Variants in FBXL18 observed in about 807,000 individuals in gnomAD.
FBXL18 encodes the protein F-box/LRR-repeat protein 18.
A neutral mutation model predicts 46.0 loss-of-function variants in FBXL18; 36 were observed. That is an observed-to-expected ratio of 0.78 (90% confidence interval 0.60 to 1.03). The LOEUF (loss-of-function observed/expected upper bound fraction) is 1.03. FBXL18 is among the 50% of genes least tolerant of loss of function. The probability of loss-of-function intolerance (pLI) is 0.00; values close to 1 mark genes in which losing one functional copy is unlikely to be tolerated. For missense variants in FBXL18, 977 were observed against 1,004.1 expected, an observed-to-expected ratio of 0.97 and a Z score of 0.36; for synonymous variants, 557 against 465.3, an observed-to-expected ratio of 1.20 and a Z score of -2.54.
chr7:5,492,875 G>T (rs1783967208), intron 3 of FBXL18, among the ~76,000 whole-genome samples: 1 of 152,066 alleles, frequency 6.6e-6, no homozygotes. Context: ...CCTGATTTGG[G>T]GCCTCTGGGC....
downstream of FBXL18, among the ~76,000 whole-genome samples, chr7:5,472,046 C>T (rs1783435861): frequency 6.6e-6 from 1 of 152,160 alleles, no homozygotes; most frequent in African/African-American, 2.4e-5. Context: ...CAGGATGACG[C>T]CACTGCACTC....
intron 4 of FBXL18, among the ~76,000 whole-genome samples, chr7:5,484,358 C>G (rs1040934172): frequency 6.6e-6 from 1 of 151,620 alleles, no homozygotes; most frequent in Non-Finnish European, 1.5e-5. Flanking sequence ...GTAGTCCCAG[C>G]TATTCGGAAG....
chr7:5,491,724 AG>A (rs1562692801), intron 3 of FBXL18, among the ~76,000 whole-genome samples: 1 of 152,160 alleles, frequency 6.6e-6, no homozygotes, highest in Admixed American at 6.5e-5. Context: ...TCACCAGCCG[AG>A]GCCATCAGCA....
intron 1 of FBXL18, among the ~76,000 whole-genome samples, chr7:5,507,906 A>G (rs1584244956): frequency 6.6e-6 from 1 of 150,408 alleles, no homozygotes; most frequent in Non-Finnish European, 1.5e-5. Flanking sequence ...GAGGCTGAGG[A>G]GGGCAGATCA....
chr7:5,500,531 G>A lies in FBXL18; in HGVS notation c.1738C>T (p.Leu580Phe). Residue 580 changes from leucine (L) to phenylalanine (F), a missense_variant, in exon 3 of 5, where the codon CTC becomes TTC. Leu to Phe is a conservative substitution (Grantham distance 22, BLOSUM62 0). Coordinates refer to ENST00000382368, the MANE Select transcript of FBXL18 (RefSeq NM_024963.6). ...TTGCAGTGCTTCAACATGTCTGAGA[G>A]CGCGGGCATGTACACCACCTTCCCC... ...MMGKVVYMPA[L>F]SDMLKHCKRL... is the part of the protein sequence containing the mutation. 6.2e-7 allele frequency: 1 copy of A among 1,612,962 alleles called. No individual in the cohort carries two copies. Among genetic ancestry groups the A allele is most frequent in the Non-Finnish European group, 8.5e-7 (1 of 1,179,524 alleles).
At chr7:5,502,842 A>C (rs1443551390) in intron 2 of FBXL18, among the ~76,000 whole-genome samples, 1 of 152,020 alleles carries the variant, frequency 6.6e-6, no homozygotes, top group Non-Finnish European at 1.5e-5. Context: ...AGAAAAAAAA[A>C]AAAAAACGGT....
chr7:5,454,810 C>T (rs1027522597), intron 4 of FBXL18, among the ~76,000 whole-genome samples: 1 of 152,160 alleles, frequency 6.6e-6, no homozygotes, highest in Non-Finnish European at 1.5e-5. Flanking sequence ...GAGGAGAAGG[C>T]GTCCCCAGGG....
At position 5,501,008 on chromosome 7, in the gene FBXL18, G is replaced by A. The variant is rs754592673; in HGVS notation, c.1261C>T (p.Pro421Ser). 12 of 1,594,142 alleles carry A rather than the reference G, an allele frequency of 7.5e-6. No homozygotes were observed. Among genetic ancestry groups the A allele is most frequent in the East Asian group, 4.5e-5 (2 of 44,672 alleles). ...GCGGAGTCAGCGACAGAGCAGACAGGCAGGGAGAGGGAGCGCAGGTGACGC... is the reference window on the plus strand; with the variant it reads ...GCGGAGTCAGCGACAGAGCAGACAGACAGGGAGAGGGAGCGCAGGTGACGC... Reference protein sequence around the residue: ...RLRHLRSLSLPVCSVADSAPR... With the variant: ...RLRHLRSLSLSVCSVADSAPR... The change falls in exon 3 of 5, where the codon CCT (proline) becomes TCT (serine). Residue 421 changes from proline (P) to serine (S), a missense_variant. By Grantham distance (74) the Pro-to-Ser change is moderately conservative. Transcript: ENST00000382368.
At chr7:5,473,959 G>C (rs1021264898), downstream of FBXL18, among the ~76,000 whole-genome samples, 2 of 152,042 alleles carry the variant, frequency 1.3e-5, no homozygotes, top group Non-Finnish European at 2.9e-5. Context: ...ACCATGCCCG[G>C]CTAATTTTTG....
At chr7:5,497,096 G>T (rs1784101162) in intron 3 of FBXL18, among the ~76,000 whole-genome samples, 1 of 151,690 alleles carries the variant, frequency 6.6e-6, no homozygotes, top group Non-Finnish European at 1.5e-5. Context: ...AGCTACTCGG[G>T]AGGCTGAGGT....
At chr7:5,490,843 C>T (rs1185062643) in intron 4 of FBXL18, among the ~76,000 whole-genome samples, 1 of 152,180 alleles carries the variant, frequency 6.6e-6, no homozygotes, top group African/African-American at 2.4e-5. Context: ...CCTGTAATCC[C>T]AGCTACTCAG....
rs751009757 is a variant in FBXL18 at position 5,500,988 on chromosome 7, G to A, written c.1281C>T (p.Asp427=). 5 of 1,570,808 alleles carry A rather than the reference G, an allele frequency of 3.2e-6. No individual in the cohort carries two copies. Among genetic ancestry groups the A allele is most frequent in the Admixed American group, 3.8e-5 (2 of 52,856 alleles). ...SLSLPVCSVA[D]SAPRADRAPA... ...GCGCGCGGTCGGCGCGCGGCGCGGAGTCAGCGACAGAGCAGACAGGCAGGG... is the reference window on the plus strand; with the variant it reads ...GCGCGCGGTCGGCGCGCGGCGCGGAATCAGCGACAGAGCAGACAGGCAGGG... The change falls in exon 3 of 5, where the codon GAC becomes GAT. Residue 427 remains aspartate (D), a synonymous_variant. Transcript: ENST00000382368.
At position 5,479,457 on chromosome 7, in the gene FBXL18, A is replaced by T. The variant is rs1783590580; in HGVS notation, c.*2318T>A. The T allele has an allele frequency of 6.6e-6, 1 of 152,204 alleles. No individual in the cohort carries two copies. The highest frequency in any genetic ancestry group is 2.1e-4 in the South Asian group (1 of 4,828). The allele number at this position is 152,204 out of a possible 1,614,324, so 9.4% of individuals were successfully genotyped here. On this transcript the variant is annotated 3_prime_UTR_variant, in exon 5 of 5. Transcript: ENST00000382368. ...CGCCCCTGCCTGGTCGGAGAGCAAGAAGTGGTCAGTCCCAGGAGGCACCAC... is the reference window on the plus strand; with the variant it reads ...CGCCCCTGCCTGGTCGGAGAGCAAGTAGTGGTCAGTCCCAGGAGGCACCAC...
At position 5,501,479 on chromosome 7, in the gene FBXL18, C is replaced by A; in HGVS notation, c.790G>T (p.Ala264Ser). The part of the protein sequence containing the change: ...LSDRTPQNLH[A>S]FLISVPGSFA... ...CTGCCAGGGACGGAGATGAGGAAGG[C>A]GTGGAGGTTCTGAGGAGTGCGGTCG... Residue 264 changes from alanine (A) to serine (S), a missense_variant, in exon 3 of 5, where the codon GCC becomes TCC. Ala to Ser is a moderately conservative substitution (Grantham distance 99). Transcript: ENST00000382368. 6.2e-7 allele frequency: 1 copy of A among 1,613,740 alleles called. No homozygotes were observed. The highest frequency in any genetic ancestry group is 8.5e-7 in the Non-Finnish European group (1 of 1,179,994).
At chr7:5,492,339 G>A (rs1783949696) in intron 3 of FBXL18, among the ~76,000 whole-genome samples, 1 of 151,814 alleles carries the variant, frequency 6.6e-6, no homozygotes, top group East Asian at 1.9e-4. Context: ...GAACCAGGCT[G>A]TGGGACTGGG....
chr7:5,484,269 C>G (rs1040475703), intron 4 of FBXL18, among the ~76,000 whole-genome samples: 2 of 151,996 alleles, frequency 1.3e-5, no homozygotes, highest in Admixed American at 6.6e-5. Flanking sequence ...AGATCAAGAC[C>G]ATCCTGGCTA....
intron 4 of FBXL18, among the ~76,000 whole-genome samples, chr7:5,456,926 G>A (rs1221113813): frequency 6.6e-6 from 1 of 152,220 alleles, no homozygotes; most frequent in Non-Finnish European, 1.5e-5. Flanking sequence ...ACCATGCCTA[G>A]CTAATTTTTG....
chr7:5,457,905 G>A lies in FBXL18; in HGVS notation c.2001-10062C>T, dbSNP rs113639567. Among the ~76,000 whole-genome samples, 1,270 of 152,234 alleles carry A rather than the reference G, an allele frequency of 8.3e-3. 8 individuals carry two copies. Among genetic ancestry groups the A allele is most frequent in the South Asian group, 0.02 (94 of 4,818 alleles). ...GGGGAAAGGAACCCCTGCCACGACG[G>A]AGCAACTATTCAATTCTCTCAGCGA... On this transcript the variant is annotated intron_variant and NMD_transcript_variant, in intron 4 of 6. Transcript: ENST00000415009.
intron 4 of FBXL18, among the ~76,000 whole-genome samples, chr7:5,488,103 C>A (rs557579706): frequency 6.6e-6 from 1 of 152,380 alleles, no homozygotes; most frequent in East Asian, 1.9e-4. Flanking sequence ...CTTCAAAAAA[C>A]GCACCGTCCA....
Sources: gnomAD v4.1 joint callset for allele counts (sites outside exome capture counted in the v4.1 genomes callset) on GRCh38, gnomAD v4.1.1 for gene constraint, MANE v1.5 for transcripts, NCBI Gene and HGNC (gene_info 2026-07-23, HGNC 2026-07-21) for gene names.